The following ARID4B variants were observed in gnomAD, a reference collection of about 807,000 sequenced individuals.
ARID4B encodes the protein AT-rich interactive domain-containing protein 4B.
A neutral mutation model predicts 147.5 loss-of-function variants in ARID4B; 26 were observed. The observed-to-expected ratio is 0.18, with a 90% CI of 0.13 to 0.24. The LOEUF is 0.24. Ranked by LOEUF, ARID4B falls within the 10% of genes least tolerant of loss-of-function variation. ARID4B has a pLI of 1.00. For missense variants in ARID4B, 1,179 were observed against 1,511.5 expected, an observed-to-expected ratio of 0.78 and a Z score of 3.65; for synonymous variants, 512 against 507.9, an observed-to-expected ratio of 1.01 and a Z score of -0.11.
At chr1:235,319,546 T>C (rs925446660) in intron 2 of ARID4B, among the ~76,000 whole-genome samples, 2 of 152,196 alleles carry the variant, frequency 1.3e-5, no homozygotes, top group African/African-American at 2.4e-5. Context: ...TTTTATGGTA[T>C]GTGAATTATA....
rs16832502 is a variant in ARID4B, at chr1:235,260,186, C to G, written c.117+456G>C. Among the ~76,000 whole-genome samples the G allele has an allele frequency of 5.9e-3, 898 of 152,308 alleles. 6 individuals are homozygous for G. Among genetic ancestry groups the G allele is most frequent in the African/African-American group, 0.02 (849 of 41,564 alleles). On this transcript the variant is annotated intron_variant, in intron 3 of 23. Transcript: ENST00000264183. Reference sequence around the variant, plus strand: ...TAGATGTACCTTATTTCACTGTTATCTAAGGCACCATCAATTACAAGTCAC... The same window carrying G: ...TAGATGTACCTTATTTCACTGTTATGTAAGGCACCATCAATTACAAGTCAC...
intron 2 of ARID4B, among the ~76,000 whole-genome samples, chr1:235,304,530 GTATCT>G (rs1323360391): frequency 6.6e-6 from 1 of 152,098 alleles, no homozygotes. Flanking sequence ...AAAGTGAACT[GTATCT>G]TAGAGATTAA....
At chr1:235,225,446 G>A (rs1443118686) in intron 11 of ARID4B, among the ~76,000 whole-genome samples, 2 of 152,232 alleles carry the variant, frequency 1.3e-5, no homozygotes, top group Non-Finnish European at 2.9e-5. Context: ...AGCTGGTCCT[G>A]AAGCAACCTG....
intron 19 of ARID4B, among the ~76,000 whole-genome samples, chr1:235,188,794 G>A (rs1016117175): frequency 1.3e-5 from 2 of 152,052 alleles, no homozygotes; most frequent in African/African-American, 4.8e-5. Flanking sequence ...CTAGGACATG[G>A]CCAACCAGAT....
In ARID4B at chr1:235,252,784, T is replaced by C; in HGVS notation, c.300A>G (p.Thr100=). 1 of 1,611,490 alleles carries C rather than the reference T, an allele frequency of 6.2e-7. No individual in the cohort carries two copies. Among genetic ancestry groups the C allele is most frequent in the Non-Finnish European group, 8.5e-7 (1 of 1,178,688 alleles). The stretch of plus-strand genomic sequence containing the variant: ...TCAGGCACAGTGAAGATCGTCTCAG[T>C]GTCTTCTCATCTCCGTCATCAAAAA... ...TVVFDDGDEK[T]LRRSSLCLKG... is the part of the protein sequence containing the mutation. The change falls in exon 6 of 24, where the codon ACA becomes ACG. Residue 100 remains threonine, a synonymous_variant. Transcript: ENST00000264183.
intron 22 of ARID4B, among the ~76,000 whole-genome samples, chr1:235,173,766 AAAAAAATATAT>A (rs1463425049): frequency 4.2e-5 from 2 of 48,178 alleles, no homozygotes; most frequent in African/African-American, 1.2e-4. Context: ...AAAAAAAAAA[AAAAAAATATAT>A]ATATATATAT....
chr1:235,217,732 G>A (rs1281415541), intron 16 of ARID4B, among the ~76,000 whole-genome samples: 1 of 152,168 alleles, frequency 6.6e-6, no homozygotes, highest in East Asian at 1.9e-4. Flanking sequence ...ATTCTTGGTA[G>A]TAGCCTATTA....
intron 6 of ARID4B, among the ~76,000 whole-genome samples, chr1:235,246,724 A>G (rs1172650288): frequency 6.6e-6 from 1 of 152,226 alleles, no homozygotes; most frequent in East Asian, 1.9e-4. Flanking sequence ...AAAAAAGTGA[A>G]AAGAAATTTG....
intron 2 of ARID4B, among the ~76,000 whole-genome samples, chr1:235,323,963 T>A (rs374007413): frequency 3.3e-5 from 5 of 151,652 alleles, no homozygotes; most frequent in African/African-American, 1.2e-4. Context: ...TGGAGTTCAG[T>A]GGCGCAACCT....
rs767376155 is a variant in ARID4B, at chr1:235,255,271, C to CTATCTATCTATCTA, written c.274+388_274+389insTAGATAGATAGATA. 5.1e-3 allele frequency among the ~76,000 whole-genome samples: 267 copies of CTATCTATCTATCTA among 52,664 alleles called. 2 individuals are homozygous for CTATCTATCTATCTA. Among genetic ancestry groups the CTATCTATCTATCTA allele is most frequent in the South Asian group, 0.024 (26 of 1,088 alleles). 34.5% of individuals were successfully genotyped at this position (52,664 alleles called of 152,430 possible). The stretch of plus-strand genomic sequence containing the variant: ...GATAGATAGATAGATAGATATATAT[C>CTATCTATCTATCTA]TCTCTCTCTCTCTCTCTATATATAT... On this transcript the variant is annotated intron_variant, in intron 5 of 23. Coordinates refer to ENST00000264183, the MANE Select transcript of ARID4B (RefSeq NM_016374.6).
chr1:235,216,094 G>A (rs972247823), intron 16 of ARID4B, among the ~76,000 whole-genome samples: 1 of 152,046 alleles, frequency 6.6e-6, no homozygotes, highest in Admixed American at 6.5e-5. Context: ...TGGGGCAGGA[G>A]TGTTGGCAGG....
chr1:235,204,683 T>C (rs188735861), intron 17 of ARID4B, among the ~76,000 whole-genome samples: 82 of 152,334 alleles, frequency 5.4e-4, no homozygotes, highest in African/African-American at 1.8e-3. Flanking sequence ...GTGCCATTAA[T>C]TGCATATTGT....
At chr1:235,289,494 T>C (rs1173478922) in intron 2 of ARID4B, among the ~76,000 whole-genome samples, 2 of 151,732 alleles carry the variant, frequency 1.3e-5, no homozygotes, top group Non-Finnish European at 2.9e-5. Flanking sequence ...GAGGCCGAGG[T>C]AGGTGAGGTG....
At chr1:235,208,003 T>C (rs1666436163) in intron 17 of ARID4B, among the ~76,000 whole-genome samples, 1 of 152,236 alleles carries the variant, frequency 6.6e-6, no homozygotes, top group Non-Finnish European at 1.5e-5. Flanking sequence ...GTGTCTCTTT[T>C]ACTTTTGGGT....
intron 15 of ARID4B, 97 bp downstream of exon 15, chr1:235,220,205 A>G: frequency 9.3e-7 from 1 of 1,071,302 alleles, no homozygotes; most frequent in Non-Finnish European, 1.2e-6. Context: ...CAAATAATAA[A>G]GAATAATATT....
At chr1:235,206,752 T>C (rs1041357748) in intron 17 of ARID4B, among the ~76,000 whole-genome samples, 9 of 152,082 alleles carry the variant, frequency 5.9e-5, no homozygotes, top group Non-Finnish European at 1.5e-5. Context: ...GTCACTAGTG[T>C]TCCTGGTAAG....
intron 2 of ARID4B, among the ~76,000 whole-genome samples, chr1:235,274,577 C>T (rs1239133583): frequency 2.0e-5 from 3 of 152,178 alleles, no homozygotes; most frequent in African/African-American, 4.8e-5. Flanking sequence ...AATTTAGTGT[C>T]ATTTGCATGT....
At chr1:235,223,117 GA>G (rs754776806) in intron 13 of ARID4B, 48 bp downstream of exon 13, 1 of 1,283,554 alleles carries the variant, frequency 7.8e-7, no homozygotes, top group South Asian at 1.3e-5. Flanking sequence ...AGATACCTGA[GA>G]AAACATGTTA....
intron 6 of ARID4B, among the ~76,000 whole-genome samples, chr1:235,250,300 T>C (rs1374282213): frequency 2.0e-5 from 3 of 152,102 alleles, no homozygotes; most frequent in African/African-American, 4.8e-5. Flanking sequence ...GACAATGTTA[T>C]GGACTACTAC....
Sources: gnomAD v4.1 joint callset for allele counts (sites outside exome capture counted in the v4.1 genomes callset) on GRCh38, gnomAD v4.1.1 for gene constraint, MANE v1.5 for transcripts, NCBI Gene and HGNC (gene_info 2026-07-23, HGNC 2026-07-21) for gene names.